The following PDE3B variants were observed in gnomAD, a reference collection of about 807,000 sequenced individuals.
The protein encoded by PDE3B is phosphodiesterase 3B, also known as cGMP-inhibited 3',5'-cyclic phosphodiesterase 3B.
PDE3B carries 66 observed loss-of-function variants against 116.8 expected under a neutral mutation model. That is an observed-to-expected ratio of 0.56 (90% CI 0.46 to 0.69). The LOEUF is 0.69. PDE3B is among the 30% of genes least tolerant of loss of function. The pLI is 0.00. For missense variants in PDE3B, 1,384 were observed against 1,368.1 expected (o/e 1.01, Z -0.18); for synonymous variants, 595 against 533.6 (o/e 1.12, Z -1.59).
rs566038020 is a variant in PDE3B, at chr11:14,832,667, G to C, written c.2095-55G>C. The C allele has an allele frequency of 1.6e-4, 107 of 677,008 alleles. 2 individuals are homozygous for C. The South Asian group carries it at 2.1e-3, about 13-fold the overall frequency. 41.9% of individuals were successfully genotyped at this position (677,008 alleles called of 1,614,324 possible). A position where few individuals can be genotyped will look rare whatever the true frequency, so the allele number is the denominator to read the frequency against. ...ACAAATCACAAAAACATTATACTCA[G>C]CTACAAATAGAAATTCTGATTTTTA... is the stretch of plus-strand genomic sequence containing the variant. On this transcript the variant is annotated intron_variant, in intron 9 of 15. Coordinates refer to ENST00000282096, the MANE Select transcript of PDE3B (RefSeq NM_000922.4).
chr11:14,652,779 AGT>A (rs1853605606), intron 1 of PDE3B, among the ~76,000 whole-genome samples: 1 of 152,196 alleles, frequency 6.6e-6, no homozygotes, highest in Non-Finnish European at 1.5e-5. Flanking sequence ...GGAATCATAC[AGT>A]ATTTTTTTGT....
intron 1 of PDE3B, among the ~76,000 whole-genome samples, chr11:14,663,779 A>C (rs1487370455): frequency 1.3e-5 from 2 of 152,216 alleles, no homozygotes; most frequent in African/African-American, 4.8e-5. Context: ...GCAAGTCCTG[A>C]GTAACCTACA....
At chr11:14,829,189 A>G (rs1859795584) in intron 7 of PDE3B, among the ~76,000 whole-genome samples, 1 of 152,100 alleles carries the variant, frequency 6.6e-6, no homozygotes, top group Admixed American at 6.6e-5. Context: ...GGATCAGAAA[A>G]ACAACTAATG....
At chr11:14,779,482 C>A (rs1273859940) in intron 2 of PDE3B, among the ~76,000 whole-genome samples, 2 of 152,230 alleles carry the variant, frequency 1.3e-5, no homozygotes, top group Non-Finnish European at 2.9e-5. Flanking sequence ...GGCAGAAACT[C>A]TACAAGCCAG....
intron 1 of PDE3B, among the ~76,000 whole-genome samples, chr11:14,683,809 T>A (rs1420788333): frequency 6.6e-6 from 1 of 152,044 alleles, no homozygotes; most frequent in African/African-American, 2.4e-5. Flanking sequence ...CATTAGCTTC[T>A]TTGAGTTTCC....
In PDE3B at chr11:14,732,460, T is replaced by G. The variant is rs114090671; in HGVS notation, c.979-39477T>G. Among the ~76,000 whole-genome samples the G allele has an allele frequency of 8.6e-3, 1,307 of 152,306 alleles. 20 individuals are homozygous for G. The highest frequency in any genetic ancestry group is 0.03 in the African/African-American group (1,247 of 41,556). ...GACTAGTTCAATATGAAGAACAGAT[T>G]AAATGTACTCTGAGGAACTGCCTTT... On this transcript the variant is annotated intron_variant, in intron 1 of 15. Transcript: ENST00000282096.
intron 4 of PDE3B, among the ~76,000 whole-genome samples, chr11:14,790,884 C>T (rs1222757405): frequency 6.6e-6 from 1 of 152,042 alleles, no homozygotes; most frequent in Non-Finnish European, 1.5e-5. Flanking sequence ...TTTACAACCA[C>T]TATTCCTTTT....
intron 1 of PDE3B, among the ~76,000 whole-genome samples, chr11:14,734,971 C>T (rs1049358771): frequency 2.0e-5 from 3 of 152,078 alleles, no homozygotes; most frequent in African/African-American, 7.2e-5. Flanking sequence ...CCAAACCAGG[C>T]AAGGTTTATA....
intron 1 of PDE3B, among the ~76,000 whole-genome samples, chr11:14,762,697 A>G (rs1055401919): frequency 3.3e-5 from 5 of 152,340 alleles, no homozygotes; most frequent in Middle Eastern, 3.4e-3. Flanking sequence ...GGCTTTGGTA[A>G]TGATTTGGGC....
chr11:14,767,227 T>C (rs1017938378), intron 1 of PDE3B, among the ~76,000 whole-genome samples: 4 of 151,592 alleles, frequency 2.6e-5, no homozygotes, highest in Admixed American at 6.6e-5. Context: ...TTGAAAACTT[T>C]CCATAGCTTC....
intron 1 of PDE3B, among the ~76,000 whole-genome samples, chr11:14,736,948 A>G (rs1856615832): frequency 1.3e-5 from 2 of 152,206 alleles, no homozygotes; most frequent in African/African-American, 4.8e-5. Context: ...CTCATGGTGC[A>G]TAATTGTGAC....
At chr11:14,874,888 C>T (rs1277023113), downstream of PDE3B, among the ~76,000 whole-genome samples, 2 of 152,118 alleles carry the variant, frequency 1.3e-5, no homozygotes, top group Non-Finnish European at 2.9e-5. Flanking sequence ...TTTCCTCAGT[C>T]ATCACTTGGT....
chr11:14,644,266 C>T lies in PDE3B; in HGVS notation c.191C>T (p.Ala64Val), dbSNP rs1257787857. 2 of 1,568,786 alleles carry T rather than the reference C, an allele frequency of 1.3e-6. No individual in the cohort carries two copies. Among genetic ancestry groups the T allele is most frequent in the Non-Finnish European group, 8.6e-7 (1 of 1,164,550 alleles). Residue 64 changes from alanine (A) to valine (V), a missense_variant, in exon 1 of 16, where the codon GCC (alanine) becomes GTC (valine). This residue lies in a region of PDE3B where 956 missense variants were observed against 806.8 expected (regional missense o/e 1.18). Transcript: ENST00000282096. ...FCNVELRPPP[A>V]SPQQPRRCSP... ...AACGTGGAGCTGCGGCCGCCGCCGG[C>T]CTCTCCCCAGCAGCCGCGGCGCTGC...
chr11:14,723,484 T>C (rs1469525203), intron 1 of PDE3B, among the ~76,000 whole-genome samples: 1 of 152,162 alleles, frequency 6.6e-6, no homozygotes, highest in Admixed American at 6.5e-5. Context: ...CCAGGCACAG[T>C]GGCTCATGCC....
At chr11:14,849,169 C>G (rs1317651610) in intron 12 of PDE3B, among the ~76,000 whole-genome samples, 484 of 134,070 alleles carry the variant, frequency 3.6e-3, no homozygotes, top group Admixed American at 5.1e-3. Context: ...ACAGAGCCCT[C>G]AGAAATAACG....
chr11:14,813,824 G>C (rs1859232746), intron 5 of PDE3B, among the ~76,000 whole-genome samples: 1 of 152,130 alleles, frequency 6.6e-6, no homozygotes, highest in South Asian at 2.1e-4. Flanking sequence ...AAGTAAATTA[G>C]AGGCCAACAT....
At chr11:14,872,156 G>A (rs797024546), downstream of PDE3B, 6 of 66,170 alleles carry the variant, frequency 9.1e-5, no homozygotes, top group African/African-American at 2.0e-4. Flanking sequence ...GCTTACTTAA[G>A]TCATCAGAAA....
intron 1 of PDE3B, among the ~76,000 whole-genome samples, chr11:14,685,030 A>C (rs1053183284): frequency 6.6e-6 from 1 of 152,188 alleles, no homozygotes; most frequent in Non-Finnish European, 1.5e-5. Flanking sequence ...GCTTACGAAG[A>C]TGACAGGATT....
At chr11:14,896,376 C>T in the PDE3B span, among the ~76,000 whole-genome samples, 2 of 152,092 alleles carry the variant, frequency 1.3e-5, no homozygotes, top group Non-Finnish European at 2.9e-5. Context: ...TATTGGGCAC[C>T]TACTAGATTA....
Sources: gnomAD v4.1 joint callset for allele counts (sites outside exome capture counted in the v4.1 genomes callset) on GRCh38, gnomAD v4.1.1 for gene constraint, gnomAD v4.1.1 regional missense constraint, MANE v1.5 for transcripts, NCBI Gene and HGNC (gene_info 2026-07-23, HGNC 2026-07-21) for gene names.